The following ASB3 variants were observed in gnomAD, a reference collection of about 807,000 sequenced individuals.
ASB3 encodes ankyrin repeat and SOCS box containing 3, also known as ankyrin repeat and SOCS box protein 3.
ASB3 carries 41 observed loss-of-function variants against 54.5 expected under a neutral mutation model. That is an observed-to-expected ratio of 0.75 (90% CI 0.59 to 0.98). The LOEUF (loss-of-function observed/expected upper bound fraction) is 0.98. Among genes scored for constraint, ASB3 ranks in the 50% least tolerant of loss-of-function variants. The pLI is 0.00. For missense variants in ASB3, 733 were observed against 620.0 expected (o/e 1.18, Z -1.94); for synonymous variants, 266 against 221.2 (o/e 1.20, Z -1.80).
At chr2:53,719,412 C>T (rs1670575642) in intron 5 of ASB3, among the ~76,000 whole-genome samples, 1 of 152,120 alleles carries the variant, frequency 6.6e-6, no homozygotes, top group Non-Finnish European at 1.5e-5. Flanking sequence ...ATCCAAAGCG[C>T]ATCAGCCTAA....
intron 2 of ASB3, among the ~76,000 whole-genome samples, chr2:53,753,877 G>A (rs961884348): frequency 6.6e-6 from 1 of 151,956 alleles, no homozygotes; most frequent in South Asian, 2.1e-4. Flanking sequence ...CTGGCCTCAG[G>A]TGATCTGCCC....
intron 3 of ASB3, among the ~76,000 whole-genome samples, chr2:53,736,932 C>T (rs1388515358): frequency 6.6e-6 from 1 of 151,904 alleles, no homozygotes; most frequent in African/African-American, 2.4e-5. Context: ...TGCAGTGAGC[C>T]GAGATCATGC....
At chr2:53,774,661 T>C in intron 1 of ASB3, 2 of 620,440 alleles carry the variant, frequency 3.2e-6, no homozygotes, top group South Asian at 3.7e-5. Flanking sequence ...CTGAAACACA[T>C]ATTTAAAATA....
At chr2:53,775,701 C>G (rs887856415) in intron 1 of ASB3, among the ~76,000 whole-genome samples, 2 of 152,204 alleles carry the variant, frequency 1.3e-5, no homozygotes, top group African/African-American at 4.8e-5. Flanking sequence ...GTCTCGATCT[C>G]CTGACCTCAG....
intron 2 of ASB3, among the ~76,000 whole-genome samples, chr2:53,755,206 A>C (rs1474443585): frequency 1.3e-5 from 2 of 152,232 alleles, no homozygotes; most frequent in East Asian, 3.8e-4. Flanking sequence ...ATACTTGGAG[A>C]ATTAGAGCCA....
intron 9 of ASB3, among the ~76,000 whole-genome samples, chr2:53,671,492 G>T (rs1478734944): frequency 6.6e-6 from 1 of 152,078 alleles, no homozygotes; most frequent in Non-Finnish European, 1.5e-5. Flanking sequence ...AGGCGCGGTG[G>T]CTCATGCCTG....
At chr2:53,772,272 T>A (rs1277766528) in intron 1 of ASB3, among the ~76,000 whole-genome samples, 1 of 152,122 alleles carries the variant, frequency 6.6e-6, no homozygotes, top group African/African-American at 2.4e-5. Flanking sequence ...CCTCCCGGGT[T>A]CACGCCATTC....
chr2:53,712,945 C>T (rs535236409), intron 7 of ASB3, among the ~76,000 whole-genome samples: 7 of 152,254 alleles, frequency 4.6e-5, no homozygotes, highest in African/African-American at 1.2e-4. Flanking sequence ...CAAAACTTAA[C>T]GGGGTACACA....
chr2:53,697,044 G>A (rs931473609), intron 8 of ASB3, among the ~76,000 whole-genome samples: 1 of 152,184 alleles, frequency 6.6e-6, no homozygotes, highest in African/African-American at 2.4e-5. Context: ...AGGTCACAAA[G>A]AACTTGCTGA....
At chr2:53,744,245 G>C (rs185765095) in intron 3 of ASB3, among the ~76,000 whole-genome samples, 1,622 of 151,212 alleles carry the variant, frequency 0.011, 30 homozygotes, top group African/African-American at 0.037. Context: ...TTAGCCAGGC[G>C]TGGTCACAGG....
Position 53,726,118 on chromosome 2 carries a change from T to TGATTATTCAA in ASB3, c.604+2584_604+2593dup, listed in dbSNP as rs1158166767. Among the ~76,000 whole-genome samples, 3 of 152,038 alleles carry TGATTATTCAA rather than the reference T, an allele frequency of 2.0e-5. 1 individual carries two copies. Among genetic ancestry groups the TGATTATTCAA allele is most frequent in the Admixed American group, 2.0e-4 (3 of 15,258 alleles). On this transcript the variant is annotated intron_variant, in intron 5 of 9. Coordinates refer to ENST00000263634, the MANE Select transcript of ASB3 (RefSeq NM_016115.5). ...AAACATACCTACATACCTTTTCAAC[T>TGATTATTCAA]GATTATTCAAAACAATTCAGAGAGA...
chr2:53,673,743 T>C lies in ASB3; in HGVS notation c.1370-3053A>G, dbSNP rs116266244. On this transcript the variant is annotated intron_variant, in intron 9 of 9. Transcript: ENST00000263634. ...ATCTTCTAAACCACTGAAACTATCATAAATTTCAGAATATCTTTCCATTTA... is the reference window on the plus strand; with the variant it reads ...ATCTTCTAAACCACTGAAACTATCACAAATTTCAGAATATCTTTCCATTTA... 9.1e-3 allele frequency among the ~76,000 whole-genome samples: 1,379 copies of C among 152,320 alleles called. 24 individuals carry two copies. Among genetic ancestry groups the C allele is most frequent in the African/African-American group, 0.031 (1,308 of 41,576 alleles).
intron 3 of ASB3, among the ~76,000 whole-genome samples, chr2:53,739,689 T>C (rs1291188362): frequency 6.6e-6 from 1 of 152,196 alleles, no homozygotes; most frequent in Admixed American, 6.5e-5. Flanking sequence ...TTTTGTTTTG[T>C]TCTTAAGATA....
intron 5 of ASB3, among the ~76,000 whole-genome samples, chr2:53,724,822 A>G (rs1383492150): frequency 4.6e-5 from 7 of 152,202 alleles, no homozygotes; most frequent in Admixed American, 3.9e-4. Context: ...GGGAACGCTT[A>G]TACATTCTTG....
chr2:53,709,123 T>G (rs7596349), intron 7 of ASB3, among the ~76,000 whole-genome samples: 2 of 152,012 alleles, frequency 1.3e-5, no homozygotes, highest in South Asian at 4.1e-4. Flanking sequence ...CCAGCAGCCT[T>G]ACCCATCACA....
At chr2:53,672,065 C>G (rs983778259) in intron 9 of ASB3, among the ~76,000 whole-genome samples, 14 of 152,178 alleles carry the variant, frequency 9.2e-5, no homozygotes, top group African/African-American at 3.4e-4. Flanking sequence ...TCTTCAATAT[C>G]TTCCAAGCCA....
At chr2:53,780,701 C>T (rs1674597331) in intron 1 of ASB3, among the ~76,000 whole-genome samples, 1 of 152,102 alleles carries the variant, frequency 6.6e-6, no homozygotes, top group Non-Finnish European at 1.5e-5. Flanking sequence ...TCTCTTGAGC[C>T]CAGAAGTTCA....
At chr2:53,754,837 T>C (rs1672725959) in intron 2 of ASB3, among the ~76,000 whole-genome samples, 1 of 152,212 alleles carries the variant, frequency 6.6e-6, no homozygotes, top group African/African-American at 2.4e-5. Flanking sequence ...AAGTATCATT[T>C]TAAGAAAATT....
Position 53,741,640 on chromosome 2 carries a change from C to T in ASB3, c.355+9143G>A, listed in dbSNP as rs761794125. Among the ~76,000 whole-genome samples the T allele has an allele frequency of 5.3e-5, 8 of 152,192 alleles. No homozygotes were observed. The East Asian group carries it at 9.6e-4, about 18-fold the overall frequency. ...AGATTTTATCTAGGTCTATTCACTG[C>T]TACCATATACTAGAATTCAAATTAT... On this transcript the variant is annotated intron_variant, in intron 3 of 9. Transcript: ENST00000263634.
Sources: gnomAD v4.1 joint callset for allele counts (sites outside exome capture counted in the v4.1 genomes callset) on GRCh38, gnomAD v4.1.1 for gene constraint, MANE v1.5 for transcripts, NCBI Gene and HGNC (gene_info 2026-07-23, HGNC 2026-07-21) for gene names.